NAPB: variants seen among roughly 807,000 people sequenced by gnomAD.
NAPB encodes the protein beta-soluble NSF attachment protein.
Under a neutral mutation model 44.7 loss-of-function variants are expected in NAPB, and 26 were observed. That is an observed-to-expected ratio of 0.58 (90% CI 0.43 to 0.81). The LOEUF is 0.81. Ranked by LOEUF, NAPB falls within the 30% of genes least tolerant of loss-of-function variation. The pLI is 0.00. For missense variants in NAPB, 315 were observed against 356.4 expected (o/e 0.88, Z 0.94); for synonymous variants, 120 against 116.8 (o/e 1.03, Z -0.18).
chr20:23,408,078 T>C (rs1357502260), intron 1 of NAPB, among the ~76,000 whole-genome samples: 1 of 151,664 alleles, frequency 6.6e-6, no homozygotes, highest in African/African-American at 2.4e-5. Context: ...GATATTAGAG[T>C]AGAAATACCA....
chr20:23,405,135 T>C (rs1430130079), intron 1 of NAPB, among the ~76,000 whole-genome samples: 2 of 151,788 alleles, frequency 1.3e-5, no homozygotes, highest in Non-Finnish European at 2.9e-5. Context: ...AAACCCCATC[T>C]CCACTAAAAA....
intron 7 of NAPB, among the ~76,000 whole-genome samples, chr20:23,383,233 C>T (rs1247463773): frequency 6.8e-6 from 1 of 146,366 alleles, no homozygotes; most frequent in Non-Finnish European, 1.5e-5. Flanking sequence ...TCAAATTTGA[C>T]AAGAAACATA....
rs143584234 is a variant in NAPB at position 23,401,661 on chromosome 20, G to A, written c.178+1332C>T. On this transcript the variant is annotated intron_variant, in intron 2 of 10. Transcript: ENST00000377026. ...TTTGGGAGGCCGAGGTGGGTGGATC[G>A]CCTGAGCTCAGGAGTTCCAGACCAC... is the stretch of plus-strand genomic sequence containing the variant. Among the ~76,000 whole-genome samples the A allele has an allele frequency of 5.1e-3, 773 of 152,184 alleles. 11 individuals are homozygous for A. Among genetic ancestry groups the A allele is most frequent in the African/African-American group, 0.017 (701 of 41,536 alleles).
intron 1 of NAPB, among the ~76,000 whole-genome samples, chr20:23,413,015 C>CT (rs1458659682): frequency 6.6e-6 from 1 of 152,030 alleles, no homozygotes; most frequent in Non-Finnish European, 1.5e-5. Context: ...TACATGGGTG[C>CT]TGGGTGCAGG....
rs534209270 is a variant in NAPB, at chr20:23,400,400, C to A, written c.178+2593G>T. ...GCGTGGTGGCACATGCCTGTAATCCCAGCTACTCCGGAGGCTGAGGCAGGA... is the reference window on the plus strand; with the variant it reads ...GCGTGGTGGCACATGCCTGTAATCCAAGCTACTCCGGAGGCTGAGGCAGGA... On this transcript the variant is annotated intron_variant, in intron 2 of 10. Transcript: ENST00000377026. Among the ~76,000 whole-genome samples the A allele has an allele frequency of 2.5e-3, 373 of 152,212 alleles. 3 individuals are homozygous for A. Among genetic ancestry groups the A allele is most frequent in the African/African-American group, 8.5e-3 (352 of 41,526 alleles).
chr20:23,396,887 A>G (rs1984407218), intron 3 of NAPB, 185 bp downstream of exon 3: 1 of 426,812 alleles, frequency 2.3e-6, no homozygotes, highest in Non-Finnish European at 3.9e-6. Flanking sequence ...TTCTCCTCAT[A>G]AAAGCCCCCA....
chr20:23,418,503 A>G (rs1432991110), intron 1 of NAPB, among the ~76,000 whole-genome samples: 9 of 152,330 alleles, frequency 5.9e-5, no homozygotes, highest in Admixed American at 2.0e-4. Context: ...CAATATTACT[A>G]AACTCCTAAA....
intron 10 of NAPB, among the ~76,000 whole-genome samples, chr20:23,378,364 T>A (rs1982693904): frequency 6.7e-6 from 1 of 150,278 alleles, no homozygotes; most frequent in Non-Finnish European, 1.5e-5. Flanking sequence ...ATTCTAAACA[T>A]GAGATGGCAA....
chr20:23,384,208 G>C (rs914825649), intron 7 of NAPB, among the ~76,000 whole-genome samples: 1 of 152,178 alleles, frequency 6.6e-6, no homozygotes, highest in South Asian at 2.1e-4. Flanking sequence ...TGATATATGA[G>C]AGAGGTCCTG....
At chr20:23,394,403 T>C (rs958092086) in intron 5 of NAPB, among the ~76,000 whole-genome samples, 4 of 152,098 alleles carry the variant, frequency 2.6e-5, no homozygotes, top group Non-Finnish European at 4.4e-5. Context: ...GAACACTGGG[T>C]TGGGGACATC....
chr20:23,394,805 G>C, intron 5 of NAPB, 117 bp downstream of exon 5: 4 of 987,242 alleles, frequency 4.1e-6, no homozygotes, highest in Non-Finnish European at 6.0e-6. Flanking sequence ...AAGTCTCCAG[G>C]CAAGGCCATC....
At chr20:23,389,862 A>G (rs1439057135) in intron 7 of NAPB, 84 bp downstream of exon 7, 4 of 1,196,594 alleles carry the variant, frequency 3.3e-6, no homozygotes, top group Non-Finnish European at 4.9e-6. Context: ...TGTGGATTAT[A>G]TCTCAATAAA....
intron 7 of NAPB, among the ~76,000 whole-genome samples, chr20:23,386,332 C>G (rs1206033642): frequency 6.6e-6 from 1 of 151,718 alleles, no homozygotes. Context: ...AAAATAAAAA[C>G]AAAAAAAGAG....
At chr20:23,420,114 C>A (rs77226883) in intron 1 of NAPB, among the ~76,000 whole-genome samples, 1 of 152,184 alleles carries the variant, frequency 6.6e-6, no homozygotes, top group Non-Finnish European at 1.5e-5. Flanking sequence ...CAGGCACACA[C>A]AAAATTTCTG....
rs934773811 is a variant in NAPB, at chr20:23,376,716, A to G, written c.*660T>C. ...AAACGCGTGTGTCTAAGTACAAATC[A>G]AATTCACTTTGACACTCATCCATAC... On this transcript the variant is annotated 3_prime_UTR_variant, in exon 11 of 11. Coordinates refer to ENST00000377026, the MANE Select transcript of NAPB (RefSeq NM_022080.3). 2 of 152,202 alleles carry G rather than the reference A, an allele frequency of 1.3e-5. No homozygotes were observed. Among genetic ancestry groups the G allele is most frequent in the African/African-American group, 4.8e-5 (2 of 41,442 alleles). The allele number at this position is 152,202 out of a possible 1,614,324, so 9.4% of individuals were successfully genotyped here.
In NAPB at chr20:23,386,937, C is replaced by T. The variant is rs1983572609; in HGVS notation, c.561+3009G>A. Among the ~76,000 whole-genome samples the T allele has an allele frequency of 2.0e-5, 3 of 152,056 alleles. No individual in the cohort carries two copies. In the South Asian group the frequency reaches 6.2e-4, roughly 31 times the overall value. ...GGAAACCCCTCAAAGTTTGCAATGA[C>T]CAAGTAGAATTTATTCCAGGAATGT... On this transcript the variant is annotated intron_variant, in intron 7 of 10. Transcript: ENST00000377026.
chr20:23,396,347 C>A (rs1984360408), intron 3 of NAPB, among the ~76,000 whole-genome samples: 1 of 152,146 alleles, frequency 6.6e-6, no homozygotes, highest in Non-Finnish European at 1.5e-5. Flanking sequence ...ACCCTTATAC[C>A]AAAGGTATTG....
At chr20:23,385,892 T>A (rs941640876) in intron 7 of NAPB, among the ~76,000 whole-genome samples, 4 of 151,972 alleles carry the variant, frequency 2.6e-5, no homozygotes, top group Admixed American at 2.0e-4. Flanking sequence ...AGCATAATCA[T>A]AAAACATATG....
chr20:23,399,326 G>A (rs1478973844), intron 2 of NAPB, among the ~76,000 whole-genome samples: 1 of 152,106 alleles, frequency 6.6e-6, no homozygotes, highest in African/African-American at 2.4e-5. Context: ...ATAAAGTCAT[G>A]AGAGCACCAC....
Sources: allele counts gnomAD v4.1 joint callset (sites outside exome capture counted in the v4.1 genomes callset), GRCh38; gene constraint gnomAD v4.1.1; transcripts MANE v1.5; gene names NCBI Gene and HGNC (gene_info 2026-07-23, HGNC 2026-07-21).